The following SH3RF3 variants were observed in gnomAD, a reference collection of about 807,000 sequenced individuals.
SH3RF3 encodes the protein SH3 domain containing ring finger 3.
In SH3RF3, 29 loss-of-function variants were observed where a neutral mutation model predicts 66.3. The observed-to-expected ratio is 0.44, with a 90% CI of 0.33 to 0.60. SH3RF3 has a LOEUF of 0.60. Ranked by LOEUF, SH3RF3 falls within the 20% of genes least tolerant of loss-of-function variation. The pLI is 0.04. For synonymous variants in SH3RF3, 583 were observed against 532.0 expected, an observed-to-expected ratio of 1.10 and a Z score of -1.32; for missense variants, 1,194 against 1,190.9, an observed-to-expected ratio of 1.00 and a Z score of -0.04.
chr2:109,312,963 C>G (rs1412438903), intron 1 of SH3RF3, among the ~76,000 whole-genome samples: 2 of 152,104 alleles, frequency 1.3e-5, no homozygotes, highest in Non-Finnish European at 2.9e-5. Flanking sequence ...CACAGCAGCC[C>G]TTGGATTTCA....
At chr2:109,360,518 T>A (rs1277421987) in intron 2 of SH3RF3, among the ~76,000 whole-genome samples, 2 of 152,184 alleles carry the variant, frequency 1.3e-5, no homozygotes, top group Non-Finnish European at 2.9e-5. Flanking sequence ...TAGACTGGGG[T>A]CCCATACCCA....
chr2:109,224,761 G>T (rs1679332334), intron 1 of SH3RF3, among the ~76,000 whole-genome samples: 1 of 152,158 alleles, frequency 6.6e-6, no homozygotes, highest in Non-Finnish European at 1.5e-5. Flanking sequence ...GGAGGCTGAG[G>T]CATTAGAATC....
chr2:109,463,650 C>A (rs1678264515), intron 8 of SH3RF3, among the ~76,000 whole-genome samples: 1 of 152,182 alleles, frequency 6.6e-6, no homozygotes, highest in South Asian at 2.1e-4. Context: ...GCCATCAGAC[C>A]CTGAGGCTCA....
intron 1 of SH3RF3, among the ~76,000 whole-genome samples, chr2:109,227,705 C>T (rs1558969289): frequency 6.6e-6 from 1 of 152,218 alleles, no homozygotes; most frequent in Non-Finnish European, 1.5e-5. Context: ...TCACAGGATC[C>T]ACTTCTCTGC....
chr2:109,349,391 T>G (rs1682792156), intron 2 of SH3RF3, among the ~76,000 whole-genome samples: 1 of 152,208 alleles, frequency 6.6e-6, no homozygotes, highest in African/African-American at 2.4e-5. Flanking sequence ...CCCGGGAAAC[T>G]GCACTGGTGC....
chr2:109,292,250 A>G lies in SH3RF3; in HGVS notation c.574-55424A>G, dbSNP rs148260176. On this transcript the variant is annotated intron_variant, in intron 1 of 9. Transcript: ENST00000309415. ...ATTTGTAATGTATAAATGTATAAAC[A>G]TAATATTTTTAAATAGGAAATAAAA... is the stretch of plus-strand genomic sequence containing the variant. Among the ~76,000 whole-genome samples, 6 of 152,388 alleles carry G rather than the reference A, an allele frequency of 3.9e-5. No homozygotes were observed. The East Asian group carries it at 1.2e-3, about 29-fold the overall frequency.
At chr2:109,428,543 C>A (rs183355485) in intron 5 of SH3RF3, among the ~76,000 whole-genome samples, 1 of 152,230 alleles carries the variant, frequency 6.6e-6, no homozygotes, top group East Asian at 1.9e-4. Context: ...GCACACCTGC[C>A]GCGGCCACTT....
At chr2:109,182,598 A>G (rs1678096893) in intron 1 of SH3RF3, among the ~76,000 whole-genome samples, 1 of 152,250 alleles carries the variant, frequency 6.6e-6, no homozygotes, top group Non-Finnish European at 1.5e-5. Context: ...AATTGCAAGA[A>G]TGAATCGATG....
intron 1 of SH3RF3, among the ~76,000 whole-genome samples, chr2:109,174,761 T>C (rs1180732386): frequency 6.6e-6 from 1 of 152,224 alleles, no homozygotes; most frequent in Non-Finnish European, 1.5e-5. Flanking sequence ...AATGATGCCT[T>C]GTGTGGCTCA....
At chr2:109,200,816 T>C (rs1323163943) in intron 1 of SH3RF3, among the ~76,000 whole-genome samples, 1 of 152,154 alleles carries the variant, frequency 6.6e-6, no homozygotes, top group African/African-American at 2.4e-5. Flanking sequence ...GGGCCCTGAG[T>C]TCACAGGACA....
At chr2:109,466,072 C>CTTTTTTTTT (rs1171998206) in intron 8 of SH3RF3, among the ~76,000 whole-genome samples, 50 of 82,390 alleles carry the variant, frequency 6.1e-4, no homozygotes, top group Non-Finnish European at 6.9e-4. Context: ...ACCTGTACAT[C>CTTTTTTTTT]TTTTTTTTTT....
intron 1 of SH3RF3, among the ~76,000 whole-genome samples, chr2:109,279,836 T>C (rs529986958): frequency 1.9e-4 from 29 of 151,410 alleles, no homozygotes; most frequent in Non-Finnish European, 2.7e-4. Context: ...GTGTGGGGGC[T>C]GGTGGGGCCT....
intron 2 of SH3RF3, among the ~76,000 whole-genome samples, chr2:109,368,418 T>G (rs2105664997): frequency 6.6e-6 from 1 of 152,312 alleles, no homozygotes; most frequent in South Asian, 2.1e-4. Context: ...GCATATACAG[T>G]GGATTAGAGA....
chr2:109,228,204 A>G (rs1244837521), intron 1 of SH3RF3, among the ~76,000 whole-genome samples: 3 of 152,120 alleles, frequency 2.0e-5, no homozygotes, highest in Admixed American at 6.5e-5. Flanking sequence ...CAGAAATTCA[A>G]TCGGCAGCCC....
chr2:109,484,925 T>G (rs905469608), intron 8 of SH3RF3, among the ~76,000 whole-genome samples: 1 of 152,188 alleles, frequency 6.6e-6, no homozygotes, highest in Non-Finnish European at 1.5e-5. Context: ...AAAAACATCT[T>G]TGTGTGTACC....
chr2:109,227,043 T>C (rs1186218865), intron 1 of SH3RF3, among the ~76,000 whole-genome samples: 2 of 152,158 alleles, frequency 1.3e-5, no homozygotes, highest in Non-Finnish European at 2.9e-5. Flanking sequence ...AGCTCCACTG[T>C]CCTCTTCATA....
At chr2:109,233,632 T>C (rs986445486) in intron 1 of SH3RF3, among the ~76,000 whole-genome samples, 1 of 152,252 alleles carries the variant, frequency 6.6e-6, no homozygotes, top group African/African-American at 2.4e-5. Context: ...ACCACCCTCT[T>C]CTACCCAGTA....
chr2:109,281,341 A>G (rs1680888502), intron 1 of SH3RF3, among the ~76,000 whole-genome samples: 1 of 152,180 alleles, frequency 6.6e-6, no homozygotes. Context: ...TCCGTTATCC[A>G]TCAGGAATTC....
intron 1 of SH3RF3, among the ~76,000 whole-genome samples, chr2:109,184,438 C>T (rs1408956217): frequency 6.6e-6 from 1 of 152,188 alleles, no homozygotes; most frequent in Admixed American, 6.5e-5. Context: ...TTTGCTATTG[C>T]TGTGGCGGGG....
Sources: allele counts gnomAD v4.1 joint callset (sites outside exome capture counted in the v4.1 genomes callset), GRCh38; gene constraint gnomAD v4.1.1; transcripts MANE v1.5; gene names NCBI Gene and HGNC (gene_info 2026-07-23, HGNC 2026-07-21).